RIPOR2: variants seen among roughly 807,000 people sequenced by gnomAD.
RIPOR2 encodes the protein RHO family interacting cell polarization regulator 2.
A neutral mutation model predicts 114.5 loss-of-function variants in RIPOR2; 39 were observed. The observed-to-expected ratio is 0.34, with a 90% CI of 0.26 to 0.44. RIPOR2 has a LOEUF of 0.44. RIPOR2 is among the 20% of genes least tolerant of loss of function. The pLI is 1.00. For synonymous variants in RIPOR2, 445 were observed against 484.4 expected (o/e 0.92, Z 1.07); for missense variants, 1,007 against 1,255.1 (o/e 0.80, Z 2.99).
chr6:24,899,912 T>C (rs1768247549), intron 1 of RIPOR2, among the ~76,000 whole-genome samples: 1 of 152,214 alleles, frequency 6.6e-6, no homozygotes, highest in East Asian at 1.9e-4. Context: ...GCCCATTTCA[T>C]TTCCTGATGA....
chr6:24,902,157 C>T (rs1192863188), intron 1 of RIPOR2, among the ~76,000 whole-genome samples: 1 of 152,004 alleles, frequency 6.6e-6, no homozygotes, highest in Non-Finnish European at 1.5e-5. Context: ...GCAGAATGTA[C>T]TGCAGGTGTC....
At chr6:24,885,325 C>A (rs181878206) in intron 1 of RIPOR2, among the ~76,000 whole-genome samples, 1 of 152,236 alleles carries the variant, frequency 6.6e-6, no homozygotes, top group African/African-American at 2.4e-5. Flanking sequence ...TGGGCTCAAG[C>A]GATCCTCCTG....
At chr6:24,976,835 A>G (rs1246494413) in intron 1 of RIPOR2, 1 of 1,610,626 alleles carries the variant, frequency 6.2e-7, no homozygotes, top group Non-Finnish European at 8.5e-7. Context: ...CTGCACTGCC[A>G]AGACTGAGTG....
intron 1 of RIPOR2, among the ~76,000 whole-genome samples, chr6:24,896,487 T>C (rs1282119298): frequency 6.6e-6 from 1 of 152,250 alleles, no homozygotes; most frequent in Non-Finnish European, 1.5e-5. Flanking sequence ...AATTTTATCA[T>C]GTACCTGGGC....
Position 25,037,915 on chromosome 6 carries a change from A to G in RIPOR2, c.76+3936T>C, listed in dbSNP as rs1383578169. Reference sequence around the variant, plus strand: ...TTGAATATGGTCCGGGTATTAAATAATATGTGGGGATCATTGTTAATTTTA... The same window carrying G: ...TTGAATATGGTCCGGGTATTAAATAGTATGTGGGGATCATTGTTAATTTTA... On this transcript the variant is annotated intron_variant, in intron 1 of 13. Transcript: ENST00000510784. This position sits in a 1 kb window ranked among gnomAD's most constrained non-coding sequence, Gnocchi z 4.5. 6.6e-6 allele frequency among the ~76,000 whole-genome samples: 1 copy of G among 152,144 alleles called. No individual in the cohort carries two copies. The highest frequency in any genetic ancestry group is 2.4e-5 in the African/African-American group (1 of 41,436).
intron 1 of RIPOR2, among the ~76,000 whole-genome samples, chr6:25,040,206 C>G (rs984451654): frequency 6.6e-6 from 1 of 151,734 alleles, no homozygotes; most frequent in Non-Finnish European, 1.5e-5. Flanking sequence ...ATCTCCGCCT[C>G]TTGGGTTCAA....
At position 24,962,571 on chromosome 6, in the gene RIPOR2, T is replaced by A. The variant is rs539516099; in HGVS notation, c.76+79280A>T. 1.3e-5 allele frequency among the ~76,000 whole-genome samples: 2 copies of A among 152,312 alleles called. 1 individual carries two copies. The highest frequency in any genetic ancestry group is 4.1e-4 in the South Asian group (2 of 4,820). On this transcript the variant is annotated intron_variant, in intron 1 of 13. Coordinates refer to the RIPOR2 transcript ENST00000510784. ...TGTATTTAATGCCATGGATATATCATCTTTTTATTTGGTTTTCATGGTAAC... is the reference window on the plus strand; with the variant it reads ...TGTATTTAATGCCATGGATATATCAACTTTTTATTTGGTTTTCATGGTAAC...
At chr6:24,884,054 C>G (rs1314517928) in intron 1 of RIPOR2, among the ~76,000 whole-genome samples, 1 of 152,166 alleles carries the variant, frequency 6.6e-6, no homozygotes, top group Admixed American at 6.5e-5. Context: ...GTTGACTAAT[C>G]TTTTTTAAAA....
At position 24,832,136 on chromosome 6, in the gene RIPOR2, T is replaced by C. The variant is rs555973313; in HGVS notation, c.2344+120A>G. 155 of 1,014,946 alleles carry C rather than the reference T, an allele frequency of 1.5e-4. 1 individual carries two copies. In the Middle Eastern group the frequency reaches 1.9e-3, roughly 13 times the overall value. 62.9% of individuals were successfully genotyped at this position (1,014,946 alleles called of 1,614,324 possible). ...CAATTTGTTTGGAGACCTTTCTCAATCCTGTGACCTAAGAATGCTTTTCTG... is the reference window on the plus strand; with the variant it reads ...CAATTTGTTTGGAGACCTTTCTCAACCCTGTGACCTAAGAATGCTTTTCTG... On this transcript the variant is annotated intron_variant, in intron 16 of 21. Coordinates refer to ENST00000643898, the MANE Select transcript of RIPOR2 (RefSeq NM_001286445.3).
At chr6:24,921,309 C>T (rs1468518849) in intron 1 of RIPOR2, among the ~76,000 whole-genome samples, 5 of 151,568 alleles carry the variant, frequency 3.3e-5, no homozygotes, top group East Asian at 1.9e-4. Context: ...ACTATAGGCA[C>T]GTGCCACCAC....
At chr6:24,973,950 G>A (rs77823657) in intron 1 of RIPOR2, among the ~76,000 whole-genome samples, 5,456 of 152,244 alleles carry the variant, frequency 0.036, 126 homozygotes, top group African/African-American at 0.057. Context: ...ACTAGAGGAC[G>A]GAGAGAAGGA....
At chr6:24,808,417 C>T (rs1439453395) in intron 21 of RIPOR2, among the ~76,000 whole-genome samples, 1 of 152,176 alleles carries the variant, frequency 6.6e-6, no homozygotes, top group Non-Finnish European at 1.5e-5. Context: ...TAAATAATTT[C>T]TATGCCTAAT....
intron 1 of RIPOR2, chr6:25,015,893 TTG>T (rs764070762): frequency 5.5e-4 from 11 of 19,976 alleles, no homozygotes; most frequent in African/African-American, 3.6e-4. Context: ...CGCAGGTTTT[TTG>T]GTTTTTTTTT....
intron 1 of RIPOR2, chr6:24,877,059 C>T (rs751358425): frequency 6.3e-5 from 62 of 985,070 alleles, no homozygotes; most frequent in Non-Finnish European, 6.5e-5. Flanking sequence ...GACAACAAAT[C>T]GGTATGTTTG....
intron 7 of RIPOR2, among the ~76,000 whole-genome samples, chr6:24,861,676 T>C (rs1764084928): frequency 1.3e-5 from 2 of 152,364 alleles, no homozygotes; most frequent in South Asian, 4.1e-4. Context: ...ACCATAAATA[T>C]GTAGTTTTTA....
At chr6:24,962,348 A>T (rs1455491603) in intron 1 of RIPOR2, among the ~76,000 whole-genome samples, 3 of 152,220 alleles carry the variant, frequency 2.0e-5, no homozygotes, top group African/African-American at 7.2e-5. Context: ...TTTTAGGAAG[A>T]TTATTCTTCC....
At chr6:25,026,897 C>A (rs1275319841) in intron 1 of RIPOR2, among the ~76,000 whole-genome samples, 4 of 152,138 alleles carry the variant, frequency 2.6e-5, no homozygotes, top group African/African-American at 9.7e-5. Context: ...GAGAAGAGGC[C>A]ACTCTGCCAT....
chr6:24,974,852 A>G (rs1249026426), intron 1 of RIPOR2, among the ~76,000 whole-genome samples: 4 of 152,222 alleles, frequency 2.6e-5, no homozygotes, highest in Admixed American at 2.0e-4. Context: ...GCATAGATGA[A>G]CCATTAAAAT....
intron 1 of RIPOR2, among the ~76,000 whole-genome samples, chr6:25,031,700 TATATATATATATATATATA>T (rs1561855616): frequency 6.8e-4 from 1 of 1,472 alleles, no homozygotes; most frequent in African/African-American, 1.3e-3. Flanking sequence ...AGGTGGTAGT[TATATATATATATATATATA>T]TATATATATA....
Sources: gnomAD v4.1 joint callset for allele counts (sites outside exome capture counted in the v4.1 genomes callset) on GRCh38, gnomAD v4.1.1 for gene constraint, Gnocchi (gnomAD v3.1) non-coding constraint, MANE v1.5 for transcripts, NCBI Gene and HGNC (gene_info 2026-07-23, HGNC 2026-07-21) for gene names.